CTNND2: variants seen among roughly 807,000 people sequenced by gnomAD.
CTNND2 encodes catenin delta 2.
A neutral mutation model predicts 144.4 loss-of-function variants in CTNND2; 22 were observed. That is an observed-to-expected ratio of 0.15 (90% CI 0.11 to 0.22). The LOEUF (loss-of-function observed/expected upper bound fraction) is 0.22. Among genes scored for constraint, CTNND2 ranks in the 10% least tolerant of loss-of-function variants. The pLI is 1.00. For missense variants in CTNND2, 1,353 were observed against 1,618.8 expected (o/e 0.84, Z 2.82); for synonymous variants, 751 against 695.6 (o/e 1.08, Z -1.25).
At chr5:11,365,515 A>G (rs995318994) in intron 7 of CTNND2, among the ~76,000 whole-genome samples, 2 of 152,246 alleles carry the variant, frequency 1.3e-5, no homozygotes, top group East Asian at 3.8e-4. Context: ...CCTCTCTCTG[A>G]AAAAGTTAGG....
chr5:11,890,770 A>C (rs1736894412), intron 1 of CTNND2, among the ~76,000 whole-genome samples: 1 of 152,270 alleles, frequency 6.6e-6, no homozygotes, highest in African/African-American at 2.4e-5. Context: ...TGAAAAAGAT[A>C]AAACAGGGTA....
chr5:10,973,444 C>T lies in CTNND2; in HGVS notation c.*9G>A, dbSNP rs371686103. ...ATGCACTGTTCCCGGAGCGCCTGTG[C>T]CCTGCTCCTCACACCCAGGAGTCGG... On this transcript the variant is annotated 3_prime_UTR_variant, in exon 22 of 22. Transcript: ENST00000304623. The surrounding 1 kb of genome is among the most constrained non-coding windows in gnomAD (Gnocchi z 5.6). The T allele has an allele frequency of 7.6e-6, 12 of 1,576,222 alleles. No individual in the cohort carries two copies. In the African/African-American group the frequency reaches 1.4e-4, roughly 18 times the overall value.
At chr5:11,776,365 A>T (rs1790254609) in intron 1 of CTNND2, among the ~76,000 whole-genome samples, 1 of 152,136 alleles carries the variant, frequency 6.6e-6, no homozygotes, top group Non-Finnish European at 1.5e-5. Flanking sequence ...ACCCAACAAC[A>T]ATGCATTTAA....
chr5:11,551,304 C>T (rs1298828483), intron 3 of CTNND2, among the ~76,000 whole-genome samples: 1 of 151,920 alleles, frequency 6.6e-6, no homozygotes, highest in Non-Finnish European at 1.5e-5. Context: ...CTTTCCCTGC[C>T]AATATTTTGC....
chr5:11,871,182 T>C (rs1470611640), intron 1 of CTNND2, among the ~76,000 whole-genome samples: 4 of 152,192 alleles, frequency 2.6e-5, no homozygotes, highest in African/African-American at 7.2e-5. Context: ...CTCAGAACTA[T>C]GTGAAGTAAA....
chr5:11,603,799 T>C (rs1477006133), intron 2 of CTNND2, among the ~76,000 whole-genome samples: 1 of 152,186 alleles, frequency 6.6e-6, no homozygotes, highest in African/African-American at 2.4e-5. Context: ...CCAGGAACTC[T>C]TCTGAAGGGC....
chr5:11,859,549 AT>A (rs1287757467), intron 1 of CTNND2, among the ~76,000 whole-genome samples: 1 of 151,988 alleles, frequency 6.6e-6, no homozygotes, highest in Non-Finnish European at 1.5e-5. Flanking sequence ...CTTATCAGTC[AT>A]TTTCCTGCTG....
intron 2 of CTNND2, among the ~76,000 whole-genome samples, chr5:11,578,858 T>C (rs146818873): frequency 2.0e-5 from 3 of 152,296 alleles, no homozygotes; most frequent in African/African-American, 7.2e-5. Context: ...GTATGTAATA[T>C]ATGTATGCAT....
chr5:11,769,575 T>A (rs1789800995), intron 1 of CTNND2, among the ~76,000 whole-genome samples: 1 of 152,196 alleles, frequency 6.6e-6, no homozygotes, highest in South Asian at 2.1e-4. Flanking sequence ...TTTTACATAA[T>A]ATCCATTTGC....
At chr5:11,405,692 C>T (rs748753816) in intron 5 of CTNND2, among the ~76,000 whole-genome samples, 2 of 152,096 alleles carry the variant, frequency 1.3e-5, no homozygotes, top group Non-Finnish European at 2.9e-5. Flanking sequence ...TGTGGGCCAC[C>T]TATGTGTTTT....
intron 3 of CTNND2, among the ~76,000 whole-genome samples, chr5:11,460,306 T>G (rs535132480): frequency 6.6e-6 from 1 of 152,276 alleles, no homozygotes; most frequent in South Asian, 2.1e-4. Context: ...AGATGCCCTA[T>G]GAGAGAAAGC....
intron 9 of CTNND2, among the ~76,000 whole-genome samples, chr5:11,241,133 AACACACCCAACATACACTC>A (rs1742394620): frequency 1.3e-5 from 2 of 149,656 alleles, no homozygotes; most frequent in South Asian, 4.3e-4. Context: ...AACACGCTCA[AACACACCCAACATACACTC>A]ACACACCCAA....
intron 11 of CTNND2, among the ~76,000 whole-genome samples, chr5:11,179,981 T>C (rs1462727734): frequency 6.6e-6 from 1 of 152,186 alleles, no homozygotes; most frequent in East Asian, 1.9e-4. Flanking sequence ...GCAATGACCT[T>C]CATTGAGGGA....
At chr5:11,355,019 G>A (rs750241355) in intron 8 of CTNND2, among the ~76,000 whole-genome samples, 14 of 151,882 alleles carry the variant, frequency 9.2e-5, no homozygotes, top group Admixed American at 2.6e-4. Context: ...GAAATTAAAC[G>A]GCAAATTAAA....
At chr5:11,383,319 A>G (rs1758708377) in intron 7 of CTNND2, among the ~76,000 whole-genome samples, 1 of 152,172 alleles carries the variant, frequency 6.6e-6, no homozygotes, top group Admixed American at 6.5e-5. Context: ...CCTTCTTGAC[A>G]TGATCTGGTA....
At chr5:11,495,878 C>G (rs1051480739) in intron 3 of CTNND2, among the ~76,000 whole-genome samples, 1 of 152,150 alleles carries the variant, frequency 6.6e-6, no homozygotes, top group African/African-American at 2.4e-5. Flanking sequence ...CCCACTCCCC[C>G]CAGTGACTTC....
At chr5:10,983,632 TATG>T (rs1485785380) in intron 20 of CTNND2, among the ~76,000 whole-genome samples, 1 of 152,204 alleles carries the variant, frequency 6.6e-6, no homozygotes, top group African/African-American at 2.4e-5. Flanking sequence ...GTCTCTGTAT[TATG>T]GTGCAAACCA....
At chr5:11,290,854 TA>T (rs1367782698) in intron 9 of CTNND2, among the ~76,000 whole-genome samples, 6 of 152,180 alleles carry the variant, frequency 3.9e-5, no homozygotes, top group Admixed American at 2.0e-4. Context: ...TTTAACTTCA[TA>T]TAGTCAAGCA....
In CTNND2 at chr5:11,092,865, A is replaced by G. The variant is rs149065936; in HGVS notation, c.2637+5710T>C. On this transcript the variant is annotated intron_variant, in intron 15 of 21. Coordinates refer to ENST00000304623, the MANE Select transcript of CTNND2 (RefSeq NM_001332.4). ...TCTTAACTTGCGTTTGATAGACTCC[A>G]CTAATCTGCCCTGGTTCACTTTTAC... 1.9e-4 allele frequency among the ~76,000 whole-genome samples: 29 copies of G among 152,302 alleles called. 1 individual carries two copies. In the East Asian group the frequency reaches 4.6e-3, roughly 24 times the overall value.
Sources: gnomAD v4.1 joint callset for allele counts (sites outside exome capture counted in the v4.1 genomes callset) on GRCh38, gnomAD v4.1.1 for gene constraint, Gnocchi (gnomAD v3.1) non-coding constraint, MANE v1.5 for transcripts, NCBI Gene and HGNC (gene_info 2026-07-23, HGNC 2026-07-21) for gene names.